Variants in CCSER1 observed in about 807,000 individuals in gnomAD.
CCSER1 encodes the protein coiled-coil serine rich protein 1.
A neutral mutation model predicts 82.0 loss-of-function variants in CCSER1; 41 were observed. The observed-to-expected ratio is 0.50, with a 90% CI of 0.39 to 0.65. The LOEUF is 0.65. Among genes scored for constraint, CCSER1 ranks in the 30% least tolerant of loss-of-function variants. The probability of loss-of-function intolerance (pLI) is 0.00; values close to 1 mark genes in which losing one functional copy is unlikely to be tolerated. For missense variants in CCSER1, 1,119 were observed against 1,064.2 expected (o/e 1.05, Z -0.72); for synonymous variants, 414 against 383.9 (o/e 1.08, Z -0.92).
At chr4:91,209,863 A>G (rs376465317) in intron 10 of CCSER1, among the ~76,000 whole-genome samples, 85 of 151,758 alleles carry the variant, frequency 5.6e-4, no homozygotes, top group African/African-American at 2.0e-3. Flanking sequence ...GTGTACAAAT[A>G]CACATACCTA....
chr4:90,398,967 C>T (rs116697369), intron 3 of CCSER1, among the ~76,000 whole-genome samples: 1,555 of 152,110 alleles, frequency 0.01, 17 homozygotes, highest in South Asian at 0.03. Flanking sequence ...ATTAGCTTTC[C>T]GTAATGAATA....
At chr4:91,446,931 A>G (rs985263579) in intron 10 of CCSER1, among the ~76,000 whole-genome samples, 1 of 152,010 alleles carries the variant, frequency 6.6e-6, no homozygotes, top group Non-Finnish European at 1.5e-5. Flanking sequence ...TGGTTTAGTT[A>G]AAACTGTGAA....
chr4:90,833,770 A>ACACACCAAATGGTGTGTACTT (rs1761433811), intron 8 of CCSER1, among the ~76,000 whole-genome samples: 1 of 152,180 alleles, frequency 6.6e-6, no homozygotes, highest in African/African-American at 2.4e-5. Context: ...TGTGTTGAAA[A>ACACACCAAATGGTGTGTACTT]CTTAATCCCC....
chr4:91,564,284 C>T (rs918806685), intron 10 of CCSER1, among the ~76,000 whole-genome samples: 3 of 151,730 alleles, frequency 2.0e-5, no homozygotes. Flanking sequence ...TTTTTTAATC[C>T]GATCTGTCAT....
intron 10 of CCSER1, among the ~76,000 whole-genome samples, chr4:91,574,789 T>A (rs368874066): frequency 3.4e-4 from 52 of 152,142 alleles, no homozygotes; most frequent in East Asian, 1.9e-3. Context: ...TTTGTTACTA[T>A]GCTCATTACG....
chr4:90,469,677 T>C (rs115226510), intron 5 of CCSER1, among the ~76,000 whole-genome samples: 14 of 152,220 alleles, frequency 9.2e-5, no homozygotes, highest in Non-Finnish European at 1.9e-4. Context: ...TCTAGTTATG[T>C]TGACCATTCT....
chr4:90,167,999 AT>A, intron 1 of CCSER1, among the ~76,000 whole-genome samples: 1 of 152,178 alleles, frequency 6.6e-6, no homozygotes, highest in East Asian at 1.9e-4. Flanking sequence ...CAGTAATGGG[AT>A]GGCTGGGTCA....
chr4:91,089,317 G>T (rs1300205007), intron 10 of CCSER1, among the ~76,000 whole-genome samples: 2 of 152,208 alleles, frequency 1.3e-5, no homozygotes, highest in Non-Finnish European at 2.9e-5. Context: ...TAGGTCATGG[G>T]TTGAATTTTA....
At chr4:90,834,190 A>T (rs958842888) in intron 8 of CCSER1, among the ~76,000 whole-genome samples, 1 of 152,206 alleles carries the variant, frequency 6.6e-6, no homozygotes, top group Non-Finnish European at 1.5e-5. Context: ...ATCAGCCCTC[A>T]TGGAAGCCTC....
rs1739631090 is a variant in CCSER1 at position 90,209,886 on chromosome 4, G to T, written c.-42+82055G>T. On this transcript the variant is annotated intron_variant, in intron 1 of 10. Coordinates refer to ENST00000509176, the MANE Select transcript of CCSER1 (RefSeq NM_001145065.2). Reference sequence around the variant, plus strand: ...GTCCTGTTTAATTTTTCTCCTCTGGGATTAAGTGACAGCATCCCCTTATAT... The same window carrying T: ...GTCCTGTTTAATTTTTCTCCTCTGGTATTAAGTGACAGCATCCCCTTATAT... 2.0e-5 allele frequency among the ~76,000 whole-genome samples: 3 copies of T among 151,782 alleles called. No homozygotes were observed. The South Asian group carries it at 6.3e-4, about 32-fold the overall frequency.
intron 9 of CCSER1, among the ~76,000 whole-genome samples, chr4:91,045,681 C>A (rs1367453332): frequency 1.3e-5 from 2 of 152,032 alleles, no homozygotes; most frequent in African/African-American, 2.4e-5. Flanking sequence ...AGATATAATT[C>A]TTTTTAAAAC....
At chr4:91,342,758 G>C (rs1484030857) in intron 10 of CCSER1, among the ~76,000 whole-genome samples, 1 of 152,036 alleles carries the variant, frequency 6.6e-6, no homozygotes, top group Non-Finnish European at 1.5e-5. Context: ...ATTACATATA[G>C]GTTGTATGCC....
At chr4:90,777,626 G>A (rs1753105648) in intron 7 of CCSER1, among the ~76,000 whole-genome samples, 1 of 151,944 alleles carries the variant, frequency 6.6e-6, no homozygotes, top group Admixed American at 6.6e-5. Context: ...CTCAGTTTCA[G>A]TTTTATTATC....
chr4:90,650,974 C>T (rs1312588146), intron 6 of CCSER1, among the ~76,000 whole-genome samples: 1 of 152,116 alleles, frequency 6.6e-6, no homozygotes, highest in Non-Finnish European at 1.5e-5. Flanking sequence ...TTGTCTCTGA[C>T]GTTTGCATAC....
Position 90,309,343 on chromosome 4 carries a change from T to C in CCSER1, c.1059T>C (p.Ala353=). 6.2e-7 allele frequency: 1 copy of C among 1,613,858 alleles called. No homozygotes were observed. The highest frequency in any genetic ancestry group is 8.5e-7 in the Non-Finnish European group (1 of 1,179,816). ...AGAAGGAAGTGTTATTACAAATTGC[T>C]GAACTACCTGCTACAAGTGTGAGCC... ...ANQKEVLLQI[A]ELPATSVSHS... Residue 353 remains alanine (A), a synonymous_variant, in exon 2 of 11, where the codon GCT becomes GCC. Transcript: ENST00000509176.
chr4:90,645,871 A>G (rs1727485923), intron 6 of CCSER1, among the ~76,000 whole-genome samples: 1 of 152,232 alleles, frequency 6.6e-6, no homozygotes, highest in South Asian at 2.1e-4. Flanking sequence ...TATCCTTGCT[A>G]GGGCTGTGTC....
At chr4:91,286,803 C>T (rs959503935) in intron 10 of CCSER1, among the ~76,000 whole-genome samples, 2 of 151,712 alleles carry the variant, frequency 1.3e-5, no homozygotes, top group African/African-American at 2.4e-5. Flanking sequence ...CATCAAGTTT[C>T]GTAATGTATT....
intron 10 of CCSER1, among the ~76,000 whole-genome samples, chr4:91,575,070 GTCAACTAATCT>G (rs1377708871): frequency 6.6e-6 from 1 of 151,818 alleles, no homozygotes. Flanking sequence ...TGTATATAGG[GTCAACTAATCT>G]TCAACAAAGA....
At chr4:91,553,990 TCTTG>T (rs1392275416) in intron 10 of CCSER1, among the ~76,000 whole-genome samples, 2 of 150,866 alleles carry the variant, frequency 1.3e-5, no homozygotes, top group African/African-American at 4.9e-5. Context: ...TTACTTGAGA[TCTTG>T]CTTATTTTCT....
Sources: allele counts gnomAD v4.1 joint callset (sites outside exome capture counted in the v4.1 genomes callset), GRCh38; gene constraint gnomAD v4.1.1; transcripts MANE v1.5; gene names NCBI Gene and HGNC (gene_info 2026-07-23, HGNC 2026-07-21).